SMYD3: variants seen among roughly 807,000 people sequenced by gnomAD.
SMYD3 encodes SET and MYND domain containing 3.
Under a neutral mutation model 57.7 loss-of-function variants are expected in SMYD3, and 36 were observed. The observed-to-expected ratio is 0.62, with a 90% CI of 0.48 to 0.82. The LOEUF is 0.82. SMYD3 is among the 40% of genes least tolerant of loss of function. The pLI is 0.00. For synonymous variants in SMYD3, 211 were observed against 195.0 expected (o/e 1.08, Z -0.68); for missense variants, 515 against 538.8 (o/e 0.96, Z 0.44).
chr1:246,099,854 A>G (rs1182353637), intron 5 of SMYD3, among the ~76,000 whole-genome samples: 1 of 152,232 alleles, frequency 6.6e-6, no homozygotes, highest in Non-Finnish European at 1.5e-5. Flanking sequence ...AAATCATTAA[A>G]TAACTGTTAA....
At chr1:246,480,510 A>G (rs2103058520) in intron 1 of SMYD3, among the ~76,000 whole-genome samples, 1 of 152,342 alleles carries the variant, frequency 6.6e-6, no homozygotes, top group Non-Finnish European at 1.5e-5. Flanking sequence ...CAAATACCTT[A>G]GAAGGTTAGA....
chr1:245,999,845 A>G (rs2059004873), intron 5 of SMYD3, among the ~76,000 whole-genome samples: 1 of 152,214 alleles, frequency 6.6e-6, no homozygotes, highest in African/African-American at 2.4e-5. Context: ...TCGAGGTTAT[A>G]AAATCTGCTT....
chr1:246,197,320 A>G (rs556321952), intron 5 of SMYD3, among the ~76,000 whole-genome samples: 16 of 152,204 alleles, frequency 1.1e-4, no homozygotes, highest in South Asian at 2.1e-4. Flanking sequence ...GAAAAGGAGG[A>G]GCTCTGCAGT....
intron 5 of SMYD3, among the ~76,000 whole-genome samples, chr1:246,105,603 T>C (rs1430465462): frequency 6.6e-6 from 1 of 152,182 alleles, no homozygotes; most frequent in Admixed American, 6.5e-5. Context: ...AAAGAGCATG[T>C]TGTATGGCTG....
chr1:246,042,492 C>T (rs1377740378), intron 5 of SMYD3, among the ~76,000 whole-genome samples: 1 of 152,150 alleles, frequency 6.6e-6, no homozygotes, highest in African/African-American at 2.4e-5. Context: ...CACTCAGTGG[C>T]ACCGGTCTGC....
intron 10 of SMYD3, among the ~76,000 whole-genome samples, chr1:245,780,602 A>C (rs2046790319): frequency 6.6e-6 from 1 of 152,162 alleles, no homozygotes; most frequent in African/African-American, 2.4e-5. Flanking sequence ...TTCTGGAATT[A>C]AATTATGGTG....
intron 5 of SMYD3, among the ~76,000 whole-genome samples, chr1:245,966,194 C>T (rs1336999044): frequency 3.3e-5 from 5 of 152,080 alleles, no homozygotes; most frequent in Admixed American, 6.6e-5. Flanking sequence ...CTTTTAGAGA[C>T]AGGGTCTCAC....
intron 1 of SMYD3, among the ~76,000 whole-genome samples, chr1:246,422,310 G>A (rs1267382540): frequency 2.6e-5 from 4 of 152,040 alleles, no homozygotes; most frequent in Non-Finnish European, 5.9e-5. Context: ...TATTATAGTT[G>A]GATAGGACTT....
chr1:245,793,038 C>T lies in SMYD3; in HGVS notation c.1077-28889G>A, dbSNP rs182954264. On this transcript the variant is annotated intron_variant, in intron 10 of 11. Transcript: ENST00000490107. ...AAATATCTTCCATATAGGCCAGGCA[C>T]AGTGGCTCATGCCTGTAATCCCAGC... Among the ~76,000 whole-genome samples the T allele has an allele frequency of 8.0e-3, 1,202 of 151,098 alleles. 9 individuals carry two copies. The highest frequency in any genetic ancestry group is 0.027 in the African/African-American group (1,109 of 40,932).
At chr1:246,122,775 C>T (rs182187691) in intron 5 of SMYD3, among the ~76,000 whole-genome samples, 2 of 152,166 alleles carry the variant, frequency 1.3e-5, no homozygotes, top group South Asian at 2.1e-4. Flanking sequence ...GATGTCCTAA[C>T]CAAGGACACC....
intron 11 of SMYD3, among the ~76,000 whole-genome samples, chr1:245,756,076 G>A (rs968352715): frequency 2.0e-5 from 3 of 147,952 alleles, no homozygotes; most frequent in African/African-American, 7.4e-5. Flanking sequence ...TTTTGTGGTT[G>A]CTCCACGTCT....
At chr1:245,936,492 C>T (rs55743346) in intron 5 of SMYD3, among the ~76,000 whole-genome samples, 11,908 of 152,142 alleles carry the variant, frequency 0.078, 541 homozygotes, top group Middle Eastern at 0.13. Context: ...AGTCATGAAA[C>T]ATAATCCAGC....
At chr1:246,085,136 A>T (rs2060702073) in intron 5 of SMYD3, among the ~76,000 whole-genome samples, 1 of 152,230 alleles carries the variant, frequency 6.6e-6, no homozygotes, top group African/African-American at 2.4e-5. Flanking sequence ...TACACTATCT[A>T]TAGTAAATTT....
chr1:246,096,825 A>T (rs2147914692), intron 5 of SMYD3, among the ~76,000 whole-genome samples: 1 of 152,372 alleles, frequency 6.6e-6, no homozygotes, highest in Admixed American at 6.5e-5. Context: ...GACAACAAGT[A>T]CAGTTTATGG....
intron 10 of SMYD3, among the ~76,000 whole-genome samples, chr1:245,773,840 A>G (rs1375554256): frequency 6.6e-6 from 1 of 152,202 alleles, no homozygotes; most frequent in Non-Finnish European, 1.5e-5. Context: ...TGTGTGGGAT[A>G]AAGTTCTGAA....
chr1:245,948,514 G>T (rs1267497753), intron 5 of SMYD3, among the ~76,000 whole-genome samples: 1 of 152,132 alleles, frequency 6.6e-6, no homozygotes, highest in Non-Finnish European at 1.5e-5. Flanking sequence ...TGCTGCCCGG[G>T]GACCACGCTG....
Position 246,284,139 on chromosome 1 carries a change from C to T in SMYD3, c.531+43062G>A, listed in dbSNP as rs557975089. On this transcript the variant is annotated intron_variant, in intron 5 of 11. Coordinates refer to ENST00000490107, the MANE Select transcript of SMYD3 (RefSeq NM_001167740.2). The stretch of plus-strand genomic sequence containing the variant: ...AAGCACCGGTGAGTATGCTGCAAAA[C>T]GGCATAGCAGGCTGTCAGATGCTGC... Among the ~76,000 whole-genome samples the T allele has an allele frequency of 8.5e-5, 13 of 152,282 alleles. No homozygotes were observed. The South Asian group carries it at 2.3e-3, about 27-fold the overall frequency.
chr1:246,397,727 G>C (rs758805870), intron 1 of SMYD3, among the ~76,000 whole-genome samples: 1 of 152,038 alleles, frequency 6.6e-6, no homozygotes, highest in East Asian at 1.9e-4. Context: ...AAGAACAGGA[G>C]TTTATTACTC....
At chr1:245,812,442 C>G (rs1416415981) in intron 10 of SMYD3, among the ~76,000 whole-genome samples, 5 of 152,128 alleles carry the variant, frequency 3.3e-5, no homozygotes, top group African/African-American at 1.2e-4. Context: ...AATGAGTGAA[C>G]ACCGTCAGGA....
Sources: gnomAD v4.1 joint callset for allele counts (sites outside exome capture counted in the v4.1 genomes callset) on GRCh38, gnomAD v4.1.1 for gene constraint, MANE v1.5 for transcripts, NCBI Gene and HGNC (gene_info 2026-07-23, HGNC 2026-07-21) for gene names.